The following ULK4 variants were observed in gnomAD, a reference collection of about 807,000 sequenced individuals.
ULK4 encodes the protein inactive serine/threonine-protein kinase ULK4.
ULK4 carries 133 observed loss-of-function variants against 160.6 expected under a neutral mutation model. The ratio of observed to expected loss-of-function variants is 0.83; its 90% confidence interval spans 0.72 to 0.96. The LOEUF (loss-of-function observed/expected upper bound fraction) is 0.96, where lower values mean the gene tolerates loss of function less well. Ranked by LOEUF, ULK4 falls within the 40% of genes least tolerant of loss-of-function variation. The pLI, the probability that ULK4 is intolerant of heterozygous loss-of-function variation, is 0.00. For synonymous variants in ULK4, 534 were observed against 539.8 expected (o/e 0.99, Z 0.15); for missense variants, 1,580 against 1,499.5 (o/e 1.05, Z -0.89).
chr3:41,734,016 G>A (rs2037929188), intron 22 of ULK4, among the ~76,000 whole-genome samples: 1 of 152,026 alleles, frequency 6.6e-6, no homozygotes, highest in Admixed American at 6.6e-5. Flanking sequence ...AGGATTACAG[G>A]CATGAGCCAC....
chr3:41,371,860 A>C (rs182782838), intron 35 of ULK4, among the ~76,000 whole-genome samples: 1 of 152,208 alleles, frequency 6.6e-6, no homozygotes, highest in Non-Finnish European at 1.5e-5. Flanking sequence ...GCTAAAGAGC[A>C]TCTTCTAGCC....
chr3:41,940,870 G>C (rs1387032852), intron 2 of ULK4, among the ~76,000 whole-genome samples: 1 of 152,024 alleles, frequency 6.6e-6, no homozygotes, highest in Non-Finnish European at 1.5e-5. Context: ...AGATGCAAAA[G>C]CCTATCTGTT....
intron 30 of ULK4, among the ~76,000 whole-genome samples, chr3:41,656,307 A>G (rs1196902870): frequency 6.6e-6 from 1 of 151,892 alleles, no homozygotes; most frequent in Non-Finnish European, 1.5e-5. Flanking sequence ...TATTATTCTT[A>G]TTTTCCAGGG....
At chr3:41,418,342 C>CGGGGG (rs56844228) in intron 34 of ULK4, among the ~76,000 whole-genome samples, 3 of 87,936 alleles carry the variant, frequency 3.4e-5, no homozygotes, top group African/African-American at 1.3e-4. Context: ...CTTAATTTGG[C>CGGGGG]GGGGGGGGGG....
At chr3:41,852,417 AAATT>A (rs138501767) in intron 17 of ULK4, among the ~76,000 whole-genome samples, 1,896 of 152,332 alleles carry the variant, frequency 0.012, 36 homozygotes, top group African/African-American at 0.041. Flanking sequence ...CTATAGTTCA[AAATT>A]AATTACTCAA....
At chr3:41,928,762 A>G (rs928448467) in intron 5 of ULK4, among the ~76,000 whole-genome samples, 2 of 152,206 alleles carry the variant, frequency 1.3e-5, no homozygotes, top group African/African-American at 4.8e-5. Flanking sequence ...ATTCCTGGAC[A>G]TATACATGCT....
chr3:41,337,620 AC>A (rs2080590526), intron 35 of ULK4, among the ~76,000 whole-genome samples: 2 of 152,228 alleles, frequency 1.3e-5, no homozygotes, highest in Non-Finnish European at 2.9e-5. Context: ...CCTGGGGCCC[AC>A]CAACTAAAAT....
rs374967541 is a variant in ULK4, at chr3:41,392,323, C to T, written c.3678+5756G>A. Among the ~76,000 whole-genome samples, 87 of 152,126 alleles carry T rather than the reference C, an allele frequency of 5.7e-4. 1 individual carries two copies. In the South Asian group the frequency reaches 0.015, roughly 26 times the overall value. On this transcript the variant is annotated intron_variant, in intron 35 of 36. Coordinates refer to ENST00000301831, the MANE Select transcript of ULK4 (RefSeq NM_017886.4). ...ATACAGACTAAATAAGAAAGAGCAC[C>T]CTAGAGGCAAAACACATCCCATCTC...
intron 34 of ULK4, among the ~76,000 whole-genome samples, chr3:41,454,607 AG>A (rs1436251983): frequency 1.3e-5 from 2 of 152,070 alleles, no homozygotes; most frequent in Non-Finnish European, 2.9e-5. Context: ...AAAAATATAA[AG>A]TTAAAATTAA....
At chr3:41,487,814 TAAATA>T (rs2084595878) in intron 32 of ULK4, among the ~76,000 whole-genome samples, 1 of 152,118 alleles carries the variant, frequency 6.6e-6, no homozygotes, top group African/African-American at 2.4e-5. Context: ...GACAAAAGAC[TAAATA>T]AAGTTAACAT....
intron 35 of ULK4, among the ~76,000 whole-genome samples, chr3:41,363,908 G>C (rs2125775058): frequency 6.6e-6 from 1 of 151,006 alleles, no homozygotes; most frequent in East Asian, 1.9e-4. Context: ...GTGAAGATTT[G>C]AACCCTCCAT....
At chr3:41,907,797 T>G in intron 12 of ULK4, 48 bp downstream of exon 12, 133 of 1,220,322 alleles carry the variant, frequency 1.1e-4, no homozygotes, top group Non-Finnish European at 1.3e-4. Flanking sequence ...ATTATTCTTG[T>G]GAGCTTCTAC....
intron 30 of ULK4, among the ~76,000 whole-genome samples, chr3:41,641,904 T>G (rs1401542205): frequency 6.6e-6 from 1 of 150,500 alleles, no homozygotes; most frequent in Non-Finnish European, 1.5e-5. Flanking sequence ...AGACGGAGTT[T>G]CACTCTTGCT....
chr3:41,462,944 C>T (rs896561331), intron 33 of ULK4, 143 bp downstream of exon 33: 1 of 1,008,146 alleles, frequency 9.9e-7, no homozygotes, highest in African/African-American at 1.6e-5. Flanking sequence ...CCAAAGATGA[C>T]TCTTCAGAAG....
intron 35 of ULK4, among the ~76,000 whole-genome samples, chr3:41,280,547 C>A (rs2079330974): frequency 6.6e-6 from 1 of 152,172 alleles, no homozygotes; most frequent in African/African-American, 2.4e-5. Flanking sequence ...ACAACCTGCT[C>A]CTGAGTGACT....
At chr3:41,881,304 A>AC (rs1697510445) in intron 17 of ULK4, among the ~76,000 whole-genome samples, 1 of 103,288 alleles carries the variant, frequency 9.7e-6, no homozygotes, top group African/African-American at 2.8e-5. Context: ...AAAAAAAAAA[A>AC]AAAAAACAGG....
chr3:41,919,782 C>A lies in ULK4; in HGVS notation c.578G>T (p.Gly193Val), dbSNP rs776094301. Residue 193 changes from glycine to valine, a missense_variant, in exon 6 of 37, where the codon GGT becomes GTT. By Grantham distance (109) the Gly-to-Val change is moderately radical (BLOSUM62 -3). Transcript: ENST00000301831. ...PVYTAPEVVR[G>V]ADFSISSDLW... ...GTCACTGGAGATGGAAAAGTCAGCACCCCTCACAACTTCTGGTGCTGTATA... is the reference window on the plus strand; with the variant it reads ...GTCACTGGAGATGGAAAAGTCAGCAACCCTCACAACTTCTGGTGCTGTATA... The A allele has an allele frequency of 6.2e-7, 1 of 1,614,058 alleles. No individual in the cohort carries two copies. Among genetic ancestry groups the A allele is most frequent in the Non-Finnish European group, 8.5e-7 (1 of 1,179,982 alleles).
chr3:41,821,403 C>T (rs1164262812), intron 18 of ULK4, among the ~76,000 whole-genome samples: 1 of 152,166 alleles, frequency 6.6e-6, no homozygotes, highest in Non-Finnish European at 1.5e-5. Context: ...AGCTATGACG[C>T]TCCCACCACT....
At position 41,606,270 on chromosome 3, in the gene ULK4, T is replaced by TA. The variant is rs145830237; in HGVS notation, c.3120+9398dup. Among the ~76,000 whole-genome samples the TA allele has an allele frequency of 3.5e-3, 533 of 151,704 alleles. 4 individuals carry two copies. In the East Asian group the frequency reaches 0.041, roughly 12 times the overall value. On this transcript the variant is annotated intron_variant, in intron 31 of 36. Coordinates refer to ENST00000301831, the MANE Select transcript of ULK4 (RefSeq NM_017886.4). ...AGTTAAAATTAATGAAATCGAAAAT[T>TA]AAAAAAAAGAAAGCAATAAAACCAA...
Sources: gnomAD v4.1 joint callset for allele counts (sites outside exome capture counted in the v4.1 genomes callset) on GRCh38, gnomAD v4.1.1 for gene constraint, MANE v1.5 for transcripts, NCBI Gene and HGNC (gene_info 2026-07-23, HGNC 2026-07-21) for gene names.